CNTNAP2: variants seen among roughly 807,000 people sequenced by gnomAD.
CNTNAP2 encodes contactin associated protein 2.
A neutral mutation model predicts 155.2 loss-of-function variants in CNTNAP2; 98 were observed. The observed-to-expected ratio is 0.63, with a 90% CI of 0.54 to 0.75. The LOEUF (loss-of-function observed/expected upper bound fraction) is 0.75, where lower values mean the gene tolerates loss of function less well. Among genes scored for constraint, CNTNAP2 ranks in the 30% least tolerant of loss-of-function variants. CNTNAP2 has a pLI of 0.00. For synonymous variants in CNTNAP2, 651 were observed against 631.2 expected (o/e 1.03, Z -0.47); for missense variants, 1,727 against 1,688.1 (o/e 1.02, Z -0.40).
intron 15 of CNTNAP2, among the ~76,000 whole-genome samples, chr7:148,077,046 G>A (rs186702348): frequency 1.1e-4 from 17 of 152,098 alleles, no homozygotes; most frequent in East Asian, 2.0e-4. Context: ...GGTGGGTCAC[G>A]TCTGTAATCC....
At chr7:147,531,007 T>C (rs1435071982) in intron 11 of CNTNAP2, among the ~76,000 whole-genome samples, 1 of 152,170 alleles carries the variant, frequency 6.6e-6, no homozygotes, top group African/African-American at 2.4e-5. Flanking sequence ...TGAAATCCAG[T>C]GGGGCAGTCA....
At chr7:146,474,223 T>C (rs1379499717) in intron 1 of CNTNAP2, among the ~76,000 whole-genome samples, 1 of 150,864 alleles carries the variant, frequency 6.6e-6, no homozygotes, top group East Asian at 1.9e-4. Context: ...TTTTTTTATT[T>C]TATTAACCTA....
intron 1 of CNTNAP2, among the ~76,000 whole-genome samples, chr7:146,487,672 G>T (rs1053248053): frequency 2.6e-5 from 4 of 152,182 alleles, no homozygotes; most frequent in Admixed American, 2.6e-4. Flanking sequence ...ATATATGATT[G>T]CCATAAAGTC....
chr7:146,929,832 G>C (rs1356008848), intron 3 of CNTNAP2, among the ~76,000 whole-genome samples: 1 of 152,066 alleles, frequency 6.6e-6, no homozygotes, highest in South Asian at 2.1e-4. Context: ...CGGAAGAAAG[G>C]GTATCAGTGA....
intron 9 of CNTNAP2, among the ~76,000 whole-genome samples, chr7:147,314,605 T>C (rs1241246789): frequency 7.0e-6 from 1 of 143,148 alleles, no homozygotes; most frequent in Non-Finnish European, 1.5e-5. Context: ...CTATATGGTA[T>C]TATTTCCAGG....
chr7:146,497,143 C>G (rs367623308), intron 1 of CNTNAP2, among the ~76,000 whole-genome samples: 2 of 152,184 alleles, frequency 1.3e-5, no homozygotes, highest in Non-Finnish European at 2.9e-5. Flanking sequence ...CACCTACTTA[C>G]CACTTCTACT....
At chr7:148,245,815 A>G (rs936229078) in intron 20 of CNTNAP2, among the ~76,000 whole-genome samples, 1 of 152,160 alleles carries the variant, frequency 6.6e-6, no homozygotes, top group East Asian at 1.9e-4. Context: ...AGTGCACACA[A>G]TGAGCACTCG....
chr7:147,976,351 TTTAATATCAAAG>T (rs1801425828), intron 14 of CNTNAP2, among the ~76,000 whole-genome samples: 1 of 152,214 alleles, frequency 6.6e-6, no homozygotes, highest in South Asian at 2.1e-4. Context: ...AAATATTAAG[TTTAATATCAAAG>T]GCTTTGTTTC....
chr7:147,301,596 G>C (rs1389388415), intron 9 of CNTNAP2, among the ~76,000 whole-genome samples: 269 of 6,160 alleles, frequency 0.044, no homozygotes, highest in African/African-American at 0.091. Context: ...CTCTCTCTGT[G>C]TGTGTGTGTG....
At position 147,384,741 on chromosome 7, in the gene CNTNAP2, T is replaced by C. The variant is rs111316050; in HGVS notation, c.1499-10868T>C. On this transcript the variant is annotated intron_variant, in intron 9 of 23. Transcript: ENST00000361727. ...TTTTTAGCGTTAAGTGCCATTTCAG[T>C]TGGAACATAACATTTTATACAAATA... 4.8e-4 allele frequency among the ~76,000 whole-genome samples: 73 copies of C among 152,298 alleles called. 1 individual carries two copies. Among genetic ancestry groups the C allele is most frequent in the African/African-American group, 1.7e-3 (71 of 41,572 alleles).
At chr7:147,219,050 C>T (rs1803336347) in intron 8 of CNTNAP2, among the ~76,000 whole-genome samples, 1 of 152,106 alleles carries the variant, frequency 6.6e-6, no homozygotes, top group Non-Finnish European at 1.5e-5. Context: ...GAGAGGCTGG[C>T]TTCCTGCAAA....
In CNTNAP2 at chr7:147,991,330, A is replaced by T. The variant is rs183412130; in HGVS notation, c.2383+13341A>T. On this transcript the variant is annotated intron_variant, in intron 15 of 23. Transcript: ENST00000361727. ...ATGAATGGTTAAATAACCACAAAAG[A>T]TGATTTAAATTAGCATTTCCAAGTA... 1.6e-3 allele frequency among the ~76,000 whole-genome samples: 237 copies of T among 147,322 alleles called. 2 individuals are homozygous for T. Among genetic ancestry groups the T allele is most frequent in the African/African-American group, 5.7e-3 (226 of 39,620 alleles).
chr7:146,562,958 C>T (rs908974081), intron 1 of CNTNAP2, among the ~76,000 whole-genome samples: 5 of 152,064 alleles, frequency 3.3e-5, no homozygotes, highest in African/African-American at 7.2e-5. Context: ...TATATAGAAT[C>T]ACACACACAT....
At chr7:146,568,625 A>G (rs1367268441) in intron 1 of CNTNAP2, among the ~76,000 whole-genome samples, 2 of 152,174 alleles carry the variant, frequency 1.3e-5, no homozygotes, top group Non-Finnish European at 2.9e-5. Context: ...GTCTGCATAC[A>G]GATTCTTGAT....
chr7:146,412,348 G>T (rs1795878975), intron 1 of CNTNAP2, among the ~76,000 whole-genome samples: 1 of 152,174 alleles, frequency 6.6e-6, no homozygotes, highest in Non-Finnish European at 1.5e-5. Context: ...ATAAAAGAAA[G>T]ATTTGGTTTG....
chr7:147,785,093 G>A (rs1384976189), intron 13 of CNTNAP2, among the ~76,000 whole-genome samples: 1 of 152,118 alleles, frequency 6.6e-6, no homozygotes, highest in Non-Finnish European at 1.5e-5. Flanking sequence ...GTAGGCAATT[G>A]TATGCTTCCA....
intron 12 of CNTNAP2, among the ~76,000 whole-genome samples, chr7:147,565,906 TAGCATATTA>T (rs1800160500): frequency 6.6e-6 from 1 of 152,004 alleles, no homozygotes; most frequent in Admixed American, 6.6e-5. Context: ...TGCCAATTAT[TAGCATATTA>T]ATATATGAGA....
intron 1 of CNTNAP2, among the ~76,000 whole-genome samples, chr7:146,247,698 G>A (rs1017644244): frequency 3.7e-4 from 56 of 152,262 alleles, no homozygotes; most frequent in African/African-American, 1.3e-3. Context: ...AACTACTGTC[G>A]AGTTTGTATT....
chr7:146,558,804 G>T (rs889475681), intron 1 of CNTNAP2, among the ~76,000 whole-genome samples: 1 of 152,114 alleles, frequency 6.6e-6, no homozygotes, highest in Non-Finnish European at 1.5e-5. Flanking sequence ...TCCACTCTCT[G>T]CTTCTATTAA....
Sources: gnomAD v4.1 joint callset for allele counts (sites outside exome capture counted in the v4.1 genomes callset) on GRCh38, gnomAD v4.1.1 for gene constraint, MANE v1.5 for transcripts, NCBI Gene and HGNC (gene_info 2026-07-23, HGNC 2026-07-21) for gene names.